PCDH7: variants seen among roughly 807,000 people sequenced by gnomAD.
PCDH7 encodes the protein protocadherin-7.
A neutral mutation model predicts 58.9 loss-of-function variants in PCDH7; 17 were observed. That is an observed-to-expected ratio of 0.29 (90% CI 0.20 to 0.43). The LOEUF is 0.43. Ranked by LOEUF, PCDH7 falls within the 20% of genes least tolerant of loss-of-function variation. PCDH7 has a pLI of 1.00. For synonymous variants in PCDH7, 664 were observed against 616.4 expected, an observed-to-expected ratio of 1.08 and a Z score of -1.14; for missense variants, 1,274 against 1,441.0, an observed-to-expected ratio of 0.88 and a Z score of 1.88.
chr4:31,042,539 A>G (rs1755961411), intron 3 of PCDH7, among the ~76,000 whole-genome samples: 1 of 152,120 alleles, frequency 6.6e-6, no homozygotes, highest in South Asian at 2.1e-4. Flanking sequence ...GTTTCAAGAA[A>G]AGGGAGTCTT....
At chr4:30,811,793 T>C (rs1357337595) in intron 1 of PCDH7, among the ~76,000 whole-genome samples, 1 of 152,098 alleles carries the variant, frequency 6.6e-6, no homozygotes, top group Non-Finnish European at 1.5e-5. Context: ...GCCATGAAAG[T>C]CCTAATGTGG....
At chr4:31,114,279 A>C (rs16884361) in intron 3 of PCDH7, among the ~76,000 whole-genome samples, 16,348 of 152,182 alleles carry the variant, frequency 0.11, 1,160 homozygotes, top group East Asian at 0.26. Flanking sequence ...TGAGTAATTA[A>C]ATATCTGCAT....
intron 3 of PCDH7, among the ~76,000 whole-genome samples, chr4:30,999,906 A>G (rs922557110): frequency 6.6e-6 from 1 of 152,132 alleles, no homozygotes; most frequent in Non-Finnish European, 1.5e-5. Context: ...TAAATGACAA[A>G]CGTTTTCTCT....
Position 30,722,734 on chromosome 4 carries a change from G to A in PCDH7, c.1312G>A (p.Val438Ile), listed in dbSNP as rs1231724839. ...GGCCAACGTGGCCGAGGACGTTCTGGTCGACACCCCCATCGCTCTGGTGCA... is the reference window on the plus strand; with the variant it reads ...GGCCAACGTGGCCGAGGACGTTCTGATCGACACCCCCATCGCTCTGGTGCA... Residue 438 changes from valine (V) to isoleucine (I), a missense_variant, in exon 1 of 2, where the codon GTC becomes ATC. Val to Ile is a conservative substitution (Grantham distance 29, BLOSUM62 3). Coordinates refer to ENST00000361762, the Ensembl canonical transcript of PCDH7. This position sits in a 1 kb window ranked among gnomAD's most constrained non-coding sequence, Gnocchi z 7.6. 2 of 1,613,534 alleles carry A rather than the reference G, an allele frequency of 1.2e-6. No individual in the cohort carries two copies. The highest frequency in any genetic ancestry group is 1.6e-4 in the Middle Eastern group (1 of 6,062).
In PCDH7 at chr4:31,055,590, T is replaced by A. The variant is rs1038386873; in HGVS notation, c.*8-86883T>A. Among the ~76,000 whole-genome samples the A allele has an allele frequency of 7.2e-5, 11 of 152,210 alleles. No individual in the cohort carries two copies. In the South Asian group the frequency reaches 2.3e-3, roughly 32 times the overall value. On this transcript the variant is annotated intron_variant, in intron 3 of 3. Transcript: ENST00000509759. ...TTGTTTTTTTATTTTTTTGTTTTTT[T>A]GTTTTTGACAGAATCTCATTCTGTT...
At chr4:30,730,858 A>G in exon 2 of PCDH7, 1 of 1,517,082 alleles carries the variant, frequency 6.6e-7, no homozygotes, top group Non-Finnish European at 8.8e-7. Flanking sequence ...AACCTGCTGG[A>G]GCCTGCCCTT....
chr4:31,084,630 G>A (rs1471336952), intron 3 of PCDH7, among the ~76,000 whole-genome samples: 1 of 145,080 alleles, frequency 6.9e-6, no homozygotes, highest in Non-Finnish European at 1.5e-5. Flanking sequence ...GGGAGGCAGT[G>A]TCACATAAGG....
chr4:30,813,969 T>G (rs1255977371), intron 1 of PCDH7, among the ~76,000 whole-genome samples: 1 of 152,192 alleles, frequency 6.6e-6, no homozygotes, highest in Non-Finnish European at 1.5e-5. Context: ...GGAATTGGGT[T>G]AATTATTTGA....
intron 3 of PCDH7, among the ~76,000 whole-genome samples, chr4:31,050,238 T>A (rs941990524): frequency 6.6e-6 from 1 of 152,128 alleles, no homozygotes; most frequent in Non-Finnish European, 1.5e-5. Flanking sequence ...TCATTGCACA[T>A]CAATTTCGAG....
intron 1 of PCDH7, among the ~76,000 whole-genome samples, chr4:30,796,621 C>G (rs1239520175): frequency 6.6e-6 from 1 of 152,172 alleles, no homozygotes; most frequent in Non-Finnish European, 1.5e-5. Context: ...CAGATTCTTG[C>G]AAGGACAGAA....
chr4:30,813,270 C>T (rs1376638675), intron 1 of PCDH7, among the ~76,000 whole-genome samples: 1 of 152,198 alleles, frequency 6.6e-6, no homozygotes, highest in Non-Finnish European at 1.5e-5. Flanking sequence ...TTGTTTGCAA[C>T]TCTGAAATTC....
At position 30,959,110 on chromosome 4, in the gene PCDH7, G is replaced by A. The variant is rs373877917; in HGVS notation, c.*7+8895G>A. 6.6e-5 allele frequency among the ~76,000 whole-genome samples: 10 copies of A among 152,066 alleles called. 1 individual carries two copies. The highest frequency in any genetic ancestry group is 2.1e-4 in the South Asian group (1 of 4,822). ...TTTCCAAAGATGTTACAATTCAAGCGTTCCAGGGACGCTTTAATATATGTT... is the reference window on the plus strand; with the variant it reads ...TTTCCAAAGATGTTACAATTCAAGCATTCCAGGGACGCTTTAATATATGTT... On this transcript the variant is annotated intron_variant, in intron 3 of 3. Transcript: ENST00000509759.
intron 1 of PCDH7, among the ~76,000 whole-genome samples, chr4:30,879,185 CCTT>C (rs1421784295): frequency 6.6e-6 from 1 of 151,994 alleles, no homozygotes; most frequent in African/African-American, 2.4e-5. Context: ...CTTTATTCCT[CCTT>C]CTCCTGCTTC....
chr4:31,072,876 G>A (rs1198852527), intron 3 of PCDH7, among the ~76,000 whole-genome samples: 1 of 152,118 alleles, frequency 6.6e-6, no homozygotes, highest in African/African-American at 2.4e-5. Flanking sequence ...TATAGCAGCT[G>A]TGTAGGGGTC....
At chr4:31,023,190 G>A (rs1287702991) in intron 3 of PCDH7, among the ~76,000 whole-genome samples, 1 of 152,136 alleles carries the variant, frequency 6.6e-6, no homozygotes, top group Non-Finnish European at 1.5e-5. Context: ...AGCATATGTG[G>A]AATGAAAAAG....
chr4:30,722,610 C>T lies in PCDH7; in HGVS notation c.1188C>T (p.Thr396=). Residue 396 remains threonine (T), a synonymous_variant, in exon 1 of 2, where the codon ACC becomes ACT. Coordinates refer to ENST00000361762, the Ensembl canonical transcript of PCDH7. The surrounding 1 kb of genome is among the most constrained non-coding windows in gnomAD (Gnocchi z 7.6). ...GCGACCGCGGGCAGCCCCCCAAGAC[C>T]GACAAGGCCACCGTGGTCCTTAACA... 1 of 1,613,284 alleles carries T rather than the reference C, an allele frequency of 6.2e-7. No homozygotes were observed. The highest frequency in any genetic ancestry group is 1.3e-5 in the African/African-American group (1 of 75,078).
chr4:30,848,727 A>G (rs998062410), intron 1 of PCDH7, among the ~76,000 whole-genome samples: 1 of 152,068 alleles, frequency 6.6e-6, no homozygotes, highest in Non-Finnish European at 1.5e-5. Context: ...TAACATTTCC[A>G]TTTACAACTC....
intron 2 of PCDH7, among the ~76,000 whole-genome samples, chr4:30,934,487 T>C (rs1037050977): frequency 6.6e-6 from 1 of 152,158 alleles, no homozygotes; most frequent in Non-Finnish European, 1.5e-5. Flanking sequence ...TGTCATTTCA[T>C]TTTTGAAGGA....
chr4:30,787,522 TAC>T (rs1220180719), intron 1 of PCDH7, among the ~76,000 whole-genome samples: 6 of 152,120 alleles, frequency 3.9e-5, no homozygotes, highest in Non-Finnish European at 8.8e-5. Context: ...ACAGACATTT[TAC>T]ACAGTTTCCA....
Sources: gnomAD v4.1 joint callset for allele counts (sites outside exome capture counted in the v4.1 genomes callset) on GRCh38, gnomAD v4.1.1 for gene constraint, Gnocchi (gnomAD v3.1) non-coding constraint, MANE v1.5 for transcripts, NCBI Gene and HGNC (gene_info 2026-07-23, HGNC 2026-07-21) for gene names.